FSHR: variants seen among roughly 807,000 people sequenced by gnomAD.
FSHR encodes follicle stimulating hormone receptor.
FSHR carries 46 observed loss-of-function variants against 52.1 expected under a neutral mutation model. That is an observed-to-expected ratio of 0.88 (90% confidence interval 0.70 to 1.13). The LOEUF is 1.13. Among genes scored for constraint, FSHR ranks in the 50% most tolerant of loss-of-function variants. FSHR has a pLI of 0.00. For missense variants in FSHR, 964 were observed against 834.6 expected, an observed-to-expected ratio of 1.16 and a Z score of -1.91; for synonymous variants, 399 against 309.6, an observed-to-expected ratio of 1.29 and a Z score of -3.03.
intron 2 of FSHR, among the ~76,000 whole-genome samples, chr2:49,047,955 G>A (rs769492322): frequency 1.3e-5 from 2 of 152,150 alleles, no homozygotes; most frequent in African/African-American, 2.4e-5. Context: ...CTCAGCTCAC[G>A]GCAAACTCCG....
chr2:48,996,919 C>G (rs1676047942), intron 4 of FSHR, among the ~76,000 whole-genome samples: 1 of 152,092 alleles, frequency 6.6e-6, no homozygotes, highest in Non-Finnish European at 1.5e-5. Context: ...ATGAGGCTTG[C>G]TAATATTGAT....
intron 3 of FSHR, among the ~76,000 whole-genome samples, chr2:49,019,582 A>G (rs552288397): frequency 1.3e-5 from 2 of 152,318 alleles, no homozygotes; most frequent in Admixed American, 6.5e-5. Flanking sequence ...TTTAATTGAC[A>G]TTTATCTTCT....
intron 2 of FSHR, among the ~76,000 whole-genome samples, chr2:49,051,049 G>T (rs1357934782): frequency 6.6e-6 from 1 of 151,982 alleles, no homozygotes; most frequent in Non-Finnish European, 1.5e-5. Context: ...TATCCATGTT[G>T]TTTTACATAT....
Position 48,989,064 on chromosome 2 carries a change from A to T in FSHR, c.447-10T>A. ...GTTATCTTGAATGTCACTAGAAGAA[A>T]GTACAGACAAATAAGATACTTACAT... On this transcript the variant is annotated splice_polypyrimidine_tract_variant and intron_variant, in intron 5 of 9. Transcript: ENST00000406846. The T allele has an allele frequency of 6.2e-7, 1 of 1,607,428 alleles. No homozygotes were observed. The highest frequency in any genetic ancestry group is 8.5e-7 in the Non-Finnish European group (1 of 1,174,218).
intron 2 of FSHR, among the ~76,000 whole-genome samples, chr2:49,042,244 C>T (rs1230129392): frequency 6.6e-6 from 1 of 152,086 alleles, no homozygotes; most frequent in East Asian, 1.9e-4. Flanking sequence ...ATTTTTTTCC[C>T]CCGAGTGACT....
intron 2 of FSHR, among the ~76,000 whole-genome samples, chr2:49,031,280 T>G (rs1201580006): frequency 6.6e-6 from 1 of 152,176 alleles, no homozygotes; most frequent in African/African-American, 2.4e-5. Flanking sequence ...TGTGTATAAT[T>G]TAATTGTGAA....
At chr2:49,057,602 G>A (rs1669109481) in intron 2 of FSHR, among the ~76,000 whole-genome samples, 1 of 152,060 alleles carries the variant, frequency 6.6e-6, no homozygotes, top group South Asian at 2.1e-4. Context: ...CAGAACCTTT[G>A]AAAAATAATT....
rs532854262 is a variant in FSHR, at chr2:49,089,054, C to G, written c.153-20764G>C. Among the ~76,000 whole-genome samples the G allele has an allele frequency of 3.4e-3, 507 of 148,314 alleles. 2 individuals are homozygous for G. The highest frequency in any genetic ancestry group is 1.8e-3 in the Non-Finnish European group (124 of 67,918). ...TAGATTCAGAGAAAAGTGAAGAAGACTTAGTGCTCAGAATGCAATTGTGTA... is the reference window on the plus strand; with the variant it reads ...TAGATTCAGAGAAAAGTGAAGAAGAGTTAGTGCTCAGAATGCAATTGTGTA... On this transcript the variant is annotated intron_variant, in intron 1 of 9. Transcript: ENST00000406846.
intron 1 of FSHR, among the ~76,000 whole-genome samples, chr2:49,073,408 A>G (rs1669825733): frequency 6.6e-6 from 1 of 152,064 alleles, no homozygotes; most frequent in South Asian, 2.1e-4. Context: ...CAATACATAA[A>G]CAACATGCTG....
chr2:49,114,180 C>G (rs540770814), intron 1 of FSHR, among the ~76,000 whole-genome samples: 75 of 152,226 alleles, frequency 4.9e-4, no homozygotes, highest in Non-Finnish European at 1.9e-4. Flanking sequence ...ACTTTGGCAC[C>G]CCAGCATCAC....
chr2:49,153,658 AT>A (rs968093866), intron 1 of FSHR, among the ~76,000 whole-genome samples: 1 of 151,986 alleles, frequency 6.6e-6, no homozygotes, highest in Non-Finnish European at 1.5e-5. Flanking sequence ...TATTAATCAC[AT>A]TTTTTTCCAG....
chr2:49,151,784 C>T (rs914321455), intron 1 of FSHR, among the ~76,000 whole-genome samples: 1 of 152,084 alleles, frequency 6.6e-6, no homozygotes, highest in Non-Finnish European at 1.5e-5. Context: ...TCCATTTCAT[C>T]CCTGTTCTGC....
chr2:49,047,881 TTTATTA>T (rs1445053806), intron 2 of FSHR, among the ~76,000 whole-genome samples: 3 of 152,248 alleles, frequency 2.0e-5, no homozygotes, highest in African/African-American at 7.2e-5. Context: ...GTACAGCTTA[TTTATTA>T]TTATTTTTTG....
chr2:48,964,993 CAAA>C (rs200122416), intron 9 of FSHR, among the ~76,000 whole-genome samples: 216 of 142,776 alleles, frequency 1.5e-3, no homozygotes, highest in Middle Eastern at 3.8e-3. Flanking sequence ...TTTTTGGATG[CAAA>C]AAAAAAAAAA....
At chr2:49,123,897 T>A (rs1671907298) in intron 1 of FSHR, among the ~76,000 whole-genome samples, 1 of 152,196 alleles carries the variant, frequency 6.6e-6, no homozygotes, top group African/African-American at 2.4e-5. Context: ...CTTAAGTCTG[T>A]AGCTGTAGGG....
chr2:49,099,235 T>C (rs1670938689), intron 1 of FSHR, among the ~76,000 whole-genome samples: 1 of 152,100 alleles, frequency 6.6e-6, no homozygotes, highest in Admixed American at 6.6e-5. Flanking sequence ...GATAATTGAA[T>C]CATGGGGGTG....
intron 4 of FSHR, among the ~76,000 whole-genome samples, chr2:48,996,540 T>C (rs1215082293): frequency 1.3e-5 from 2 of 152,126 alleles, no homozygotes; most frequent in Non-Finnish European, 2.9e-5. Context: ...TTCTGGAGTA[T>C]ATAACTCATG....
chr2:48,969,345 C>T (rs1000215998), intron 8 of FSHR, among the ~76,000 whole-genome samples: 4 of 152,178 alleles, frequency 2.6e-5, no homozygotes, highest in Non-Finnish European at 5.9e-5. Context: ...AGGAAATATA[C>T]TACAAGAGGA....
At chr2:48,989,139 GGTCT>G in intron 5 of FSHR, 85 bp from the exon 6 acceptor site, 1 of 949,788 alleles carries the variant, frequency 1.1e-6, no homozygotes, top group South Asian at 1.4e-5. Context: ...GGCATGATGC[GGTCT>G]TCAGCTGAGG....
Sources: gnomAD v4.1 joint callset for allele counts (sites outside exome capture counted in the v4.1 genomes callset) on GRCh38, gnomAD v4.1.1 for gene constraint, MANE v1.5 for transcripts, NCBI Gene and HGNC (gene_info 2026-07-23, HGNC 2026-07-21) for gene names.